CREB3L3: variants seen among roughly 807,000 people sequenced by gnomAD.
CREB3L3 encodes cyclic AMP-responsive element-binding protein 3-like protein 3.
Under a neutral mutation model 44.6 loss-of-function variants are expected in CREB3L3, and 40 were observed. That is an observed-to-expected ratio of 0.90 (90% confidence interval 0.70 to 1.17). CREB3L3 has a LOEUF of 1.17. Among genes scored for constraint, CREB3L3 ranks in the 50% most tolerant of loss-of-function variants. The pLI, the probability that CREB3L3 is intolerant of heterozygous loss-of-function variation, is 0.00. For missense variants in CREB3L3, 578 were observed against 595.8 expected, an observed-to-expected ratio of 0.97 and a Z score of 0.31; for synonymous variants, 273 against 256.3, an observed-to-expected ratio of 1.06 and a Z score of -0.62.
At chr19:4,164,329 A>G (rs2041698305) in intron 4 of CREB3L3, 174 bp from the exon 5 acceptor site, 3 of 767,394 alleles carry the variant, frequency 3.9e-6, no homozygotes, top group Non-Finnish European at 6.7e-6. Flanking sequence ...GCTGGTCTCG[A>G]TCTCCTGAGC....
At chr19:4,155,490 C>G (rs1368640988) in intron 2 of CREB3L3, among the ~76,000 whole-genome samples, 1 of 151,412 alleles carries the variant, frequency 6.6e-6, no homozygotes, top group Non-Finnish European at 1.5e-5. Flanking sequence ...TCCCAAGTAG[C>G]TGGGATTACA....
chr19:4,168,507 C>T, intron 6 of CREB3L3, 50 bp downstream of exon 6: 5 of 1,437,196 alleles, frequency 3.5e-6, no homozygotes, highest in Non-Finnish European at 4.8e-6. Flanking sequence ...AACTGAGGCC[C>T]AGAGAGAAGG....
chr19:4,167,358 G>C (rs200227551), intron 5 of CREB3L3, among the ~76,000 whole-genome samples: 1 of 137,312 alleles, frequency 7.3e-6, no homozygotes, highest in Non-Finnish European at 1.6e-5. Context: ...AAGAAAGAGA[G>C]AGAGAGAGAG....
At position 4,172,328 on chromosome 19, in the gene CREB3L3, C is replaced by CA. The variant is rs1490720887; in HGVS notation, c.*360dup. 1 of 435,640 alleles carries CA rather than the reference C, an allele frequency of 2.3e-6. No individual in the cohort carries two copies. Among genetic ancestry groups the CA allele is most frequent in the Non-Finnish European group, 4.2e-6 (1 of 238,946 alleles). 27.0% of individuals were successfully genotyped at this position (435,640 alleles called of 1,614,324 possible). A position where few individuals can be genotyped will look rare whatever the true frequency, so the allele number is the denominator to read the frequency against. ...AAACAGACCCAGACAAACAGACAGA[C>CA]AGACACAGCCTGAAACAGACCCAGA... is the stretch of plus-strand genomic sequence containing the variant. On this transcript the variant is annotated 3_prime_UTR_variant, in exon 10 of 10. Coordinates refer to ENST00000078445, the MANE Select transcript of CREB3L3 (RefSeq NM_032607.3).
In CREB3L3 at chr19:4,171,294, T is replaced by C; in HGVS notation, c.976-89T>C. ...CCAGCTCAAGTATGATCCAGTCTGG[T>C]CTTTGGGGCCTCAGTTTCCCTGCCT... On this transcript the variant is annotated intron_variant, in intron 8 of 9. Transcript: ENST00000078445. The surrounding 1 kb of genome is among the most constrained non-coding windows in gnomAD (Gnocchi z 4.9). 6.8e-7 allele frequency: 1 copy of C among 1,464,096 alleles called. No homozygotes were observed. Among genetic ancestry groups the C allele is most frequent in the South Asian group, 1.2e-5 (1 of 86,880 alleles). The allele number at this position is 1,464,096 out of a possible 1,614,324, so 90.7% of individuals were successfully genotyped here. A position where few individuals can be genotyped will look rare whatever the true frequency, so the allele number is the denominator to read the frequency against.
chr19:4,160,954 T>C (rs350866), intron 4 of CREB3L3, among the ~76,000 whole-genome samples: 27,272 of 50,860 alleles, frequency 0.54, 10,777 homozygotes, highest in East Asian at 0.91. Flanking sequence ...CTCTGTCACC[T>C]AGGCTGGAGT....
intron 4 of CREB3L3, among the ~76,000 whole-genome samples, chr19:4,161,394 T>C (rs1460202684): frequency 6.6e-6 from 1 of 152,144 alleles, no homozygotes; most frequent in Non-Finnish European, 1.5e-5. Context: ...ATTATAGGCA[T>C]GAGCTACTGC....
In CREB3L3 at chr19:4,153,788, G is replaced by A; in HGVS notation, c.27+14G>A. 6.2e-7 allele frequency: 1 copy of A among 1,614,010 alleles called. No homozygotes were observed. The highest frequency in any genetic ancestry group is 8.5e-7 in the Non-Finnish European group (1 of 1,179,964). ...GCTGCTGGAAAGGTGAGCCCTACTA[G>A]GTCCCCAGGGAGAGCGGGAGTCTAG... On this transcript the variant is annotated intron_variant, in intron 1 of 9. Transcript: ENST00000078445.
intron 4 of CREB3L3, among the ~76,000 whole-genome samples, chr19:4,163,351 A>AGAAAGAAAGAAG (rs535753131): frequency 1.1e-3 from 127 of 117,238 alleles, no homozygotes; most frequent in South Asian, 8.2e-3. Context: ...AAAGAAAGAA[A>AGAAAGAAAGAAG]GAAGGAAGGA....
At chr19:4,154,819 A>G (rs1786414687) in intron 1 of CREB3L3, 80 bp from the exon 2 acceptor site, 2 of 1,603,494 alleles carry the variant, frequency 1.2e-6, no homozygotes, top group Middle Eastern at 1.7e-4. Context: ...CTAGCCGGAA[A>G]GAGCCAGGGT....
At chr19:4,157,932 A>G (rs11881541) in intron 3 of CREB3L3, among the ~76,000 whole-genome samples, 8,166 of 151,708 alleles carry the variant, frequency 0.054, 741 homozygotes, top group African/African-American at 0.19. Context: ...TGATCTGCCC[A>G]CCTCAGCCTC....
chr19:4,161,271 C>A (rs923633621), intron 4 of CREB3L3, among the ~76,000 whole-genome samples: 3 of 122,460 alleles, frequency 2.4e-5, no homozygotes, highest in African/African-American at 9.2e-5. Context: ...TTAGACCCAG[C>A]TGATTTTTCT....
Position 4,171,761 on chromosome 19 carries a change from AAG to A in CREB3L3, c.1181_1182del (p.Glu394ValfsTer99). The A allele has an allele frequency of 6.2e-7, 1 of 1,613,326 alleles. No homozygotes were observed. ...CGACCCGAGGCTGACACAACCCGAG[AAG>A]AGTCTCCAGGAAGCCCCGGGGCAGA... On this transcript the variant is annotated frameshift_variant, in exon 10 of 10. Coordinates refer to ENST00000078445, the MANE Select transcript of CREB3L3 (RefSeq NM_032607.3). LOFTEE classifies it low-confidence loss of function (END_TRUNC). The surrounding 1 kb of genome is among the most constrained non-coding windows in gnomAD (Gnocchi z 4.9).
In CREB3L3 at chr19:4,164,555, G is replaced by C; in HGVS notation, c.629G>C (p.Cys210Ser). The change falls in exon 5 of 10, where the codon TGT becomes TCT. Residue 210 changes from cysteine (C) to serine (S), a missense_variant. Transcript: ENST00000078445. ...CTCCTGCGACCTGGGGCTGGGCACT[G>C]TCAGGAGCTGGTGCTCACCGAGGAT... The part of the protein sequence containing the change: ...SYLLRPGAGH[C>S]QELVLTEDEK... The C allele has an allele frequency of 1.2e-6, 2 of 1,614,110 alleles. No homozygotes were observed. The highest frequency in any genetic ancestry group is 4.5e-5 in the East Asian group (2 of 44,878).
chr19:4,155,112 AG>A, intron 2 of CREB3L3, 85 bp downstream of exon 2: 1 of 1,541,208 alleles, frequency 6.5e-7, no homozygotes, highest in Non-Finnish European at 8.8e-7. Context: ...GACCCGCCAG[AG>A]CCCAGCCAGA....
Position 4,171,379 on chromosome 19 carries a change from C to G in CREB3L3, c.976-4C>G. ...GGGGGTGACTCTGCCGCTGTCTCCA[C>G]CAGGTCCTGTTGCTGTCCTTTGCCC... On this transcript the variant is annotated splice_region_variant and splice_polypyrimidine_tract_variant and intron_variant, in intron 8 of 9. Coordinates refer to ENST00000078445, the MANE Select transcript of CREB3L3 (RefSeq NM_032607.3). This position sits in a 1 kb window ranked among gnomAD's most constrained non-coding sequence, Gnocchi z 4.9. 6.2e-7 allele frequency: 1 copy of G among 1,613,940 alleles called. No homozygotes were observed. Among genetic ancestry groups the G allele is most frequent in the Non-Finnish European group, 8.5e-7 (1 of 1,179,844 alleles).
At chr19:4,164,409 G>C (rs2041699568) in intron 4 of CREB3L3, 94 bp from the exon 5 acceptor site, 2 of 1,500,910 alleles carry the variant, frequency 1.3e-6, no homozygotes. Context: ...CACCCAGCCT[G>C]GGGTGATAGT....
At chr19:4,156,850 C>T in intron 2 of CREB3L3, 145 bp from the exon 3 acceptor site, 1 of 813,890 alleles carries the variant, frequency 1.2e-6, no homozygotes. Context: ...CTCAGCAGCC[C>T]CGGGAGGAAG....
At chr19:4,164,669 A>G in intron 5 of CREB3L3, 29 bp downstream of exon 5, 1 of 1,613,316 alleles carries the variant, frequency 6.2e-7, no homozygotes, top group Non-Finnish European at 8.5e-7. Context: ...CCAGCCCTGG[A>G]TCCATCTCCC....
Sources: allele counts gnomAD v4.1 joint callset (sites outside exome capture counted in the v4.1 genomes callset), GRCh38; gene constraint gnomAD v4.1.1; non-coding constraint Gnocchi (gnomAD v3.1); transcripts MANE v1.5; gene names NCBI Gene and HGNC (gene_info 2026-07-23, HGNC 2026-07-21).